The following LAMTOR4 variants were observed in gnomAD, a reference collection of about 807,000 sequenced individuals.
LAMTOR4 encodes the protein ragulator complex protein LAMTOR4.
Under a neutral mutation model 13.5 loss-of-function variants are expected in LAMTOR4, and 11 were observed. That is an observed-to-expected ratio of 0.82 (90% confidence interval 0.51 to 1.35). The LOEUF (loss-of-function observed/expected upper bound fraction) is 1.35. LAMTOR4 is among the 40% of genes most tolerant of loss of function. LAMTOR4 has a pLI of 0.00. For missense variants in LAMTOR4, 128 were observed against 126.2 expected (o/e 1.01, Z -0.07); for synonymous variants, 69 against 52.3 (o/e 1.32, Z -1.38).
rs1028089022 is a variant in LAMTOR4 at position 100,149,040 on chromosome 7, G to A, written c.3+65G>A. ...TCAGCGTCTCTGCTCCCCAGTCTGT[G>A]TGGTTTCCCCCTGGTGGGCCTGCGC... On this transcript the variant is annotated intron_variant, in intron 1 of 3. Coordinates refer to ENST00000341942, the MANE Select transcript of LAMTOR4 (RefSeq NM_001008395.4). 5.7e-6 allele frequency: 9 copies of A among 1,577,590 alleles called. No individual in the cohort carries two copies. The African/African-American group carries it at 1.2e-4, about 21-fold the overall frequency.
rs1798609203 is a variant in LAMTOR4 at position 100,148,979 on chromosome 7, A to C, written c.3+4A>C. On this transcript the variant is annotated splice_donor_region_variant and intron_variant, in intron 1 of 3. Transcript: ENST00000341942. The stretch of plus-strand genomic sequence containing the variant: ...CCCAGCACCGAAGACTGCGATGGTG[A>C]GTGAGGACGCATGCGCGAGAGGACC... The C allele has an allele frequency of 6.2e-7, 1 of 1,610,850 alleles. No individual in the cohort carries two copies. The highest frequency in any genetic ancestry group is 1.3e-5 in the African/African-American group (1 of 74,856).
At chr7:100,153,617 G>A (rs150613556) in intron 3 of LAMTOR4, 100 bp downstream of exon 3, 828 of 1,092,018 alleles carry the variant, frequency 7.6e-4, no homozygotes, top group Non-Finnish European at 1.0e-3. Flanking sequence ...CCATCTCCTG[G>A]GGTCTCTGGT....
In LAMTOR4 at chr7:100,153,486, C is replaced by G. The variant is rs1163588756; in HGVS notation, c.171C>G (p.Arg57=). The change falls in exon 3 of 4, where the codon CGC becomes CGG. Residue 57 remains arginine (R), a synonymous_variant. Transcript: ENST00000341942. ...CAGCCTGCGGTTTCCGGCTGCACCG[C>G]GGCATGAATGTGCCCTTCAAGCGCC... ...VSTACGFRLH[R]GMNVPFKRLS... is the part of the protein sequence containing the mutation. 1 of 1,608,938 alleles carries G rather than the reference C, an allele frequency of 6.2e-7. No homozygotes were observed. The highest frequency in any genetic ancestry group is 8.5e-7 in the Non-Finnish European group (1 of 1,179,992).
chr7:100,149,602 G>C (rs761879598), intron 2 of LAMTOR4, 23 bp downstream of exon 2: 1 of 1,584,730 alleles, frequency 6.3e-7, no homozygotes, highest in Admixed American at 1.7e-5. Context: ...AAAGGGAGGG[G>C]GTCCCTTAGT....
At chr7:100,153,625 G>A (rs763235564) in intron 3 of LAMTOR4, 108 bp downstream of exon 3, 12 of 1,021,110 alleles carry the variant, frequency 1.2e-5, no homozygotes, top group Non-Finnish European at 1.8e-5. Flanking sequence ...TGGGGTCTCT[G>A]GTCTGGCCAC....
rs1409627318 is a variant in LAMTOR4 at position 100,153,968 on chromosome 7, T to C, written c.*4T>C. 4 of 1,576,952 alleles carry C rather than the reference T, an allele frequency of 2.5e-6. No individual in the cohort carries two copies. The highest frequency in any genetic ancestry group is 1.2e-5 in the South Asian group (1 of 85,994). ...TCGGGAGCCCATTGATGTCTGAGCCTGCCGGAGGGCGAGGGTCGGAGAAGC... is the reference window on the plus strand; with the variant it reads ...TCGGGAGCCCATTGATGTCTGAGCCCGCCGGAGGGCGAGGGTCGGAGAAGC... On this transcript the variant is annotated 3_prime_UTR_variant, in exon 4 of 4. Transcript: ENST00000341942.
chr7:100,153,546 G>A, intron 3 of LAMTOR4, 29 bp downstream of exon 3: 1 of 1,573,184 alleles, frequency 6.4e-7, no homozygotes, highest in Non-Finnish European at 8.7e-7. Context: ...CCTTGGTGGT[G>A]GTACTGGGAG....
In LAMTOR4 at chr7:100,154,023, CAGG is replaced by C; in HGVS notation, c.*60_*62del. 1.5e-6 allele frequency: 2 copies of C among 1,297,756 alleles called. No homozygotes were observed. The highest frequency in any genetic ancestry group is 1.3e-5 in the South Asian group (1 of 78,948). The allele number at this position is 1,297,756 out of a possible 1,614,324, so 80.4% of individuals were successfully genotyped here. A position where few individuals can be genotyped will look rare whatever the true frequency, so the allele number is the denominator to read the frequency against. Reference sequence around the variant, plus strand: ...TGGGTCCTGGGCCTCTGTGATGAGGCAGGCACACCTGTCGGTCTTGGCTTGCTG... The same window carrying C: ...TGGGTCCTGGGCCTCTGTGATGAGGCCACACCTGTCGGTCTTGGCTTGCTG... On this transcript the variant is annotated 3_prime_UTR_variant, in exon 4 of 4. Transcript: ENST00000341942.
At chr7:100,151,059 G>GTTTTGTTTTTGTTTTT (rs1477772301) in intron 2 of LAMTOR4, among the ~76,000 whole-genome samples, 1 of 151,690 alleles carries the variant, frequency 6.6e-6, no homozygotes, top group Admixed American at 6.6e-5. Context: ...GGAGAGAAGA[G>GTTTTGTTTTTGTTTTT]TTTTGTTTTT....
intron 1 of LAMTOR4, 79 bp downstream of exon 1, chr7:100,149,054 G>A: frequency 6.5e-7 from 1 of 1,543,282 alleles, no homozygotes; most frequent in Non-Finnish European, 8.8e-7. Context: ...TTTCCCCCTG[G>A]TGGGCCTGCG....
intron 2 of LAMTOR4, 71 bp downstream of exon 2, chr7:100,149,650 C>T: frequency 8.8e-7 from 1 of 1,131,668 alleles, no homozygotes; most frequent in Non-Finnish European, 1.3e-6. Flanking sequence ...ATTGGCCCTT[C>T]TTTTCTCGGC....
intron 3 of LAMTOR4, 49 bp from the exon 4 acceptor site, chr7:100,153,818 G>A (rs370779820): frequency 2.7e-5 from 37 of 1,359,722 alleles, no homozygotes; most frequent in Non-Finnish European, 3.5e-5. Flanking sequence ...CACTAACTCT[G>A]TGCTCCCTTC....
At chr7:100,153,322 C>G in intron 2 of LAMTOR4, 78 bp from the exon 3 acceptor site, 4 of 1,039,926 alleles carry the variant, frequency 3.8e-6, no homozygotes, top group Non-Finnish European at 4.4e-6. Context: ...GTGTGAGAAC[C>G]AAGGGGACTG....
intron 3 of LAMTOR4, 45 bp downstream of exon 3, chr7:100,153,562 G>A: frequency 1.3e-6 from 2 of 1,525,594 alleles, no homozygotes; most frequent in African/African-American, 2.7e-5. Flanking sequence ...GGGAGCGGGG[G>A]GCTACTTCCA....
chr7:100,149,019 C>T (rs759184308), intron 1 of LAMTOR4, 44 bp downstream of exon 1: 9 of 1,598,576 alleles, frequency 5.6e-6, no homozygotes, highest in East Asian at 2.2e-5. Flanking sequence ...GGGGGTTCAG[C>T]GTCTCTGCTC....
chr7:100,153,588 C>T (rs753403678), intron 3 of LAMTOR4, 71 bp downstream of exon 3: 2 of 1,341,992 alleles, frequency 1.5e-6, no homozygotes, highest in Non-Finnish European at 1.1e-6. Context: ...TTCTCGGCTT[C>T]TCTTCTTCCA....
intron 1 of LAMTOR4, chr7:100,149,249 GC>G: frequency 1.7e-6 from 1 of 605,018 alleles, no homozygotes; most frequent in Non-Finnish European, 2.9e-6. Flanking sequence ...GGCAGCAAAG[GC>G]CCCTTGGGGT....
In LAMTOR4 at chr7:100,148,949, G is replaced by A; in HGVS notation, c.-24G>A. 1 of 1,612,268 alleles carries A rather than the reference G, an allele frequency of 6.2e-7. No individual in the cohort carries two copies. The highest frequency in any genetic ancestry group is 1.7e-5 in the Admixed American group (1 of 60,002). On this transcript the variant is annotated 5_prime_UTR_variant, in exon 1 of 4. Transcript: ENST00000341942. The stretch of plus-strand genomic sequence containing the variant: ...CCGGAAGCTACCTATCTGGTAGGGA[G>A]CTCCCCCAGCACCGAAGACTGCGAT...
Position 100,153,516 on chromosome 7 carries a change from T to C in LAMTOR4, c.201T>C (p.Ser67=). Reference sequence around the variant, plus strand: ...TGAATGTGCCCTTCAAGCGCCTGTCTGGTGAGCCCCTGCCCCTGCCCTTGG... The same window carrying C: ...TGAATGTGCCCTTCAAGCGCCTGTCCGGTGAGCCCCTGCCCCTGCCCTTGG... The part of the protein sequence containing the change: ...RGMNVPFKRL[S]VVFGEHTLLV... The change falls in exon 3 of 4, where the codon TCT becomes TCC. Residue 67 remains serine, a splice_region_variant and synonymous_variant. Transcript: ENST00000341942. The C allele has an allele frequency of 1.2e-6, 2 of 1,605,952 alleles. No individual in the cohort carries two copies. The highest frequency in any genetic ancestry group is 1.7e-6 in the Non-Finnish European group (2 of 1,179,704).
Sources: gnomAD v4.1 joint callset for allele counts (sites outside exome capture counted in the v4.1 genomes callset) on GRCh38, gnomAD v4.1.1 for gene constraint, MANE v1.5 for transcripts, NCBI Gene and HGNC (gene_info 2026-07-23, HGNC 2026-07-21) for gene names.